The following NETO1 variants were observed in gnomAD, a reference collection of about 807,000 sequenced individuals.
The protein encoded by NETO1 is neuropilin and tolloid-like protein 1.
NETO1 carries 26 observed loss-of-function variants against 61.3 expected under a neutral mutation model. The ratio of observed to expected loss-of-function variants is 0.42; its 90% confidence interval spans 0.31 to 0.59. The LOEUF is 0.59. Among genes scored for constraint, NETO1 ranks in the 20% least tolerant of loss-of-function variants. NETO1 has a pLI of 0.12. For missense variants in NETO1, 531 were observed against 662.8 expected (o/e 0.80, Z 2.18); for synonymous variants, 225 against 225.8 (o/e 1.00, Z 0.03).
chr18:72,806,327 G>A lies in NETO1; in HGVS notation c.470-11923C>T, dbSNP rs192308781. On this transcript the variant is annotated intron_variant, in intron 4 of 10. Transcript: ENST00000327305. ...ATTAACATCAACAAAGACTCCATGA[G>A]CTAGGAAGTTATTCAACTTCCCACT... 2.0e-5 allele frequency among the ~76,000 whole-genome samples: 3 copies of A among 152,214 alleles called. No individual in the cohort carries two copies. In the East Asian group the frequency reaches 5.8e-4, roughly 29 times the overall value.
intron 4 of NETO1, among the ~76,000 whole-genome samples, chr18:72,841,733 CAACAA>C (rs1314123939): frequency 1.1e-4 from 8 of 70,992 alleles, no homozygotes; most frequent in African/African-American, 4.2e-4. Flanking sequence ...GACTCTACCT[CAACAA>C]AAAAAAAAAA....
At chr18:72,793,568 C>T (rs1348188128) in intron 6 of NETO1, among the ~76,000 whole-genome samples, 1 of 152,022 alleles carries the variant, frequency 6.6e-6, no homozygotes, top group Non-Finnish European at 1.5e-5. Flanking sequence ...TAATGCTGGA[C>T]CCACATTTTC....
intron 4 of NETO1, chr18:72,834,945 T>C: frequency 1.3e-6 from 1 of 747,624 alleles, no homozygotes; most frequent in Non-Finnish European, 1.6e-6. Context: ...TAAAATAATA[T>C]ATTACATAAA....
At chr18:72,810,550 T>G (rs865966286) in intron 4 of NETO1, among the ~76,000 whole-genome samples, 1 of 152,218 alleles carries the variant, frequency 6.6e-6, no homozygotes, top group African/African-American at 2.4e-5. Context: ...AATGGAAGTC[T>G]TAGAATTTTT....
intron 7 of NETO1, among the ~76,000 whole-genome samples, chr18:72,759,117 C>G (rs1399509999): frequency 6.6e-6 from 1 of 152,114 alleles, no homozygotes; most frequent in African/African-American, 2.4e-5. Flanking sequence ...CTTGCGTGCA[C>G]TCGGTGCACC....
chr18:72,812,221 C>T (rs2072890918), intron 4 of NETO1, among the ~76,000 whole-genome samples: 1 of 152,202 alleles, frequency 6.6e-6, no homozygotes, highest in Non-Finnish European at 1.5e-5. Context: ...CTCAAAGGCA[C>T]TGTTTAGTCA....
chr18:72,780,684 T>A (rs1444914610), intron 7 of NETO1, among the ~76,000 whole-genome samples: 2 of 152,162 alleles, frequency 1.3e-5, no homozygotes, highest in Non-Finnish European at 2.9e-5. Context: ...AAGATGAACA[T>A]TTTTCCCCCT....
chr18:72,809,775 C>T (rs909696689), intron 4 of NETO1, among the ~76,000 whole-genome samples: 2 of 152,156 alleles, frequency 1.3e-5, no homozygotes, highest in African/African-American at 2.4e-5. Context: ...AACTGTATGT[C>T]TTCAAATGCC....
chr18:72,792,877 A>G (rs955962434), intron 6 of NETO1, among the ~76,000 whole-genome samples: 4 of 151,946 alleles, frequency 2.6e-5, no homozygotes, highest in African/African-American at 9.7e-5. Flanking sequence ...CATAGATGCT[A>G]TTCCCTCTGT....
rs2070417266 is a variant in NETO1, at chr18:72,745,728, C to A, written c.*2451G>T. 6.6e-6 allele frequency: 1 copy of A among 152,176 alleles called. No homozygotes were observed. Among genetic ancestry groups the A allele is most frequent in the African/African-American group, 2.4e-5 (1 of 41,432 alleles). The allele number at this position is 152,176 out of a possible 1,614,324, so 9.4% of individuals were successfully genotyped here. ...GGCTGATAAATAAGCACCGCCAGAG[C>A]CCTCCAGAGAACATCTCCCAACTCT... is the stretch of plus-strand genomic sequence containing the variant. On this transcript the variant is annotated 3_prime_UTR_variant, in exon 11 of 11. Coordinates refer to ENST00000327305, the MANE Select transcript of NETO1 (RefSeq NM_138966.5).
intron 3 of NETO1, among the ~76,000 whole-genome samples, chr18:72,864,032 A>G (rs1490829733): frequency 6.6e-6 from 1 of 152,120 alleles, no homozygotes; most frequent in Non-Finnish European, 1.5e-5. Context: ...CCAGCTGGCC[A>G]ACATCGTGAA....
intron 6 of NETO1, among the ~76,000 whole-genome samples, chr18:72,789,164 G>A (rs964830555): frequency 1.3e-5 from 2 of 151,382 alleles, no homozygotes; most frequent in African/African-American, 4.9e-5. Context: ...TATTTTTGGA[G>A]AAGGAACCAG....
chr18:72,778,782 T>C (rs931897730), intron 7 of NETO1, among the ~76,000 whole-genome samples: 1 of 152,134 alleles, frequency 6.6e-6, no homozygotes, highest in African/African-American at 2.4e-5. Context: ...GCCTTAATGG[T>C]CTTGTTCATG....
In NETO1 at chr18:72,772,793, T is replaced by TCTCTCTCTCTCTCTCTCTC. The variant is rs1391807702; in HGVS notation, c.868+10884_868+10885insGAGAGAGAGAGAGAGAGAG. 1.5e-4 allele frequency among the ~76,000 whole-genome samples: 9 copies of TCTCTCTCTCTCTCTCTCTC among 58,968 alleles called. 2 individuals are homozygous for TCTCTCTCTCTCTCTCTCTC. The highest frequency in any genetic ancestry group is 1.4e-3 in the East Asian group (2 of 1,418). 38.7% of individuals were successfully genotyped at this position (58,968 alleles called of 152,430 possible). ...TATATATATACAGATCTCTATATAG[T>TCTCTCTCTCTCTCTCTCTC]TCTCTCTCTCTCTCTCTCTCTCTCT... On this transcript the variant is annotated intron_variant, in intron 7 of 10. Transcript: ENST00000327305.
intron 4 of NETO1, among the ~76,000 whole-genome samples, chr18:72,816,553 C>T (rs2073039072): frequency 6.6e-6 from 1 of 152,148 alleles, no homozygotes; most frequent in Non-Finnish European, 1.5e-5. Flanking sequence ...AATCAGACAG[C>T]AGAGCCAAGT....
At chr18:72,857,823 T>A (rs1253678472) in intron 4 of NETO1, among the ~76,000 whole-genome samples, 2 of 152,184 alleles carry the variant, frequency 1.3e-5, no homozygotes, top group African/African-American at 4.8e-5. Context: ...AAAGCTAATA[T>A]ATATGCTACA....
intron 4 of NETO1, among the ~76,000 whole-genome samples, chr18:72,841,647 T>C (rs1470723180): frequency 1.4e-5 from 2 of 147,660 alleles, no homozygotes; most frequent in African/African-American, 5.0e-5. Context: ...GGCAAGAGAA[T>C]TGCTTGAGCC....
At chr18:72,789,462 G>A (rs1397194829) in intron 6 of NETO1, among the ~76,000 whole-genome samples, 6 of 151,858 alleles carry the variant, frequency 4.0e-5, no homozygotes. Flanking sequence ...CTTACTTTTT[G>A]GAGATAAAAG....
intron 4 of NETO1, among the ~76,000 whole-genome samples, chr18:72,831,376 C>G (rs574503843): frequency 3.9e-5 from 6 of 152,176 alleles, no homozygotes; most frequent in Non-Finnish European, 8.8e-5. Context: ...TGGGTTAACT[C>G]CACTTCCATA....
Sources: allele counts gnomAD v4.1 joint callset (sites outside exome capture counted in the v4.1 genomes callset), GRCh38; gene constraint gnomAD v4.1.1; transcripts MANE v1.5; gene names NCBI Gene and HGNC (gene_info 2026-07-23, HGNC 2026-07-21).